ZNF225: variants seen among roughly 807,000 people sequenced by gnomAD.
ZNF225 encodes the protein zinc finger protein 225.
Under a neutral mutation model 12.0 loss-of-function variants are expected in ZNF225, and 6 were observed. The observed-to-expected ratio is 0.50, with a 90% CI of 0.27 to 0.98. The LOEUF (loss-of-function observed/expected upper bound fraction) is 0.98. Ranked by LOEUF, ZNF225 falls within the 50% of genes least tolerant of loss-of-function variation. The pLI is 0.11. For synonymous variants in ZNF225, 271 were observed against 283.2 expected, an observed-to-expected ratio of 0.96 and a Z score of 0.43; for missense variants, 763 against 848.2, an observed-to-expected ratio of 0.90 and a Z score of 1.25.
chr19:44,112,016 G>A (rs1967842066), upstream of ZNF225: 1 of 152,244 alleles, frequency 6.6e-6, no homozygotes, highest in African/African-American at 2.4e-5. Context: ...ATAGAGGAAG[G>A]GGTCTCCGAG....
Position 44,131,637 on chromosome 19 carries a change from G to A in ZNF225, c.1023G>A (p.Glu341=). 1 of 1,614,092 alleles carries A rather than the reference G, an allele frequency of 6.2e-7. No individual in the cohort carries two copies. The highest frequency in any genetic ancestry group is 8.5e-7 in the Non-Finnish European group (1 of 1,179,954). ...LNSHRMVHTG[E]KRYKCEECGK... ...GTCATCGCATGGTCCACACAGGAGA[G>A]AAACGGTACAAATGTGAGGAATGTG... The change falls in exon 5 of 5, where the codon GAG becomes GAA. Residue 341 remains glutamate, a synonymous_variant. Coordinates refer to ENST00000262894, the MANE Select transcript of ZNF225 (RefSeq NM_013362.4).
chr19:44,131,610 T>C lies in ZNF225; in HGVS notation c.996T>C (p.Asn332=). ...GCTTTGGTCTGAAATCAGCACTTAA[T>C]AGTCATCGCATGGTCCACACAGGAG... ...GKSFGLKSAL[N]SHRMVHTGEK... is the part of the protein sequence containing the mutation. Residue 332 remains asparagine (N), a synonymous_variant, in exon 5 of 5, where the codon AAT becomes AAC. Transcript: ENST00000262894. 6.2e-7 allele frequency: 1 copy of C among 1,614,182 alleles called. No homozygotes were observed.
chr19:44,115,874 A>G (rs767891560), intron 2 of ZNF225, 32 bp downstream of exon 2: 75 of 1,608,522 alleles, frequency 4.7e-5, no homozygotes, highest in Non-Finnish European at 6.2e-5. Flanking sequence ...TGCTGTTAAA[A>G]TTTCTTTTAT....
At chr19:44,116,534 A>G (rs183993095) in intron 2 of ZNF225, among the ~76,000 whole-genome samples, 82 of 152,352 alleles carry the variant, frequency 5.4e-4, no homozygotes, top group Middle Eastern at 3.4e-3. Context: ...TTACCAGAAA[A>G]TATAACAGCC....
In ZNF225 at chr19:44,132,656, A is replaced by G; in HGVS notation, c.2042A>G (p.Lys681Arg). 1 of 1,613,994 alleles carries G rather than the reference A, an allele frequency of 6.2e-7. No homozygotes were observed. The change falls in exon 5 of 5, where the codon AAA (lysine) becomes AGA (arginine). Residue 681 changes from lysine to arginine, a missense_variant. By Grantham distance (26) the Lys-to-Arg change is conservative (BLOSUM62 2). Coordinates refer to ENST00000262894, the MANE Select transcript of ZNF225 (RefSeq NM_013362.4). ...QRDQSGEKTSKCEDCGKRYKR... is the reference protein window; with the variant it reads ...QRDQSGEKTSRCEDCGKRYKR... Reference sequence around the variant, plus strand: ...GACCAAAGTGGAGAGAAAACATCTAAATGTGAGGACTGTGGGAAGCGCTAC... The same window carrying G: ...GACCAAAGTGGAGAGAAAACATCTAGATGTGAGGACTGTGGGAAGCGCTAC...
At position 44,119,978 on chromosome 19, in the gene ZNF225, G is replaced by A. The variant is rs550790980; in HGVS notation, c.235+1404G>A. Among the ~76,000 whole-genome samples the A allele has an allele frequency of 3.2e-4, 48 of 152,202 alleles. No homozygotes were observed. The East Asian group carries it at 5.2e-3, about 17-fold the overall frequency. On this transcript the variant is annotated intron_variant, in intron 4 of 4. Coordinates refer to ENST00000262894, the MANE Select transcript of ZNF225 (RefSeq NM_013362.4). Reference sequence around the variant, plus strand: ...TCACGCCTGTAATCCCACTACTTTCGGAGACCAAGGTGGGTGGATCACTGA... The same window carrying A: ...TCACGCCTGTAATCCCACTACTTTCAGAGACCAAGGTGGGTGGATCACTGA...
chr19:44,130,877 CTG>C lies in ZNF225; in HGVS notation c.265_266del (p.Val89PhefsTer7). ...GGCAAGATCCAAATGGAGATGGAGA[CTG>C]TTTCAGAATCAGGAACACATGAAGG... On this transcript the variant is annotated frameshift_variant, in exon 5 of 5. Transcript: ENST00000262894. LOFTEE classifies it low-confidence loss of function (END_TRUNC). The C allele has an allele frequency of 6.2e-7, 1 of 1,612,980 alleles. No homozygotes were observed. The highest frequency in any genetic ancestry group is 8.5e-7 in the Non-Finnish European group (1 of 1,179,494).
At position 44,132,455 on chromosome 19, in the gene ZNF225, A is replaced by C. The variant is rs772840141; in HGVS notation, c.1841A>C (p.His614Pro). 12 of 1,614,228 alleles carry C rather than the reference A, an allele frequency of 7.4e-6. 1 individual carries two copies. The highest frequency in any genetic ancestry group is 1.6e-4 in the Middle Eastern group (1 of 6,062). The change falls in exon 5 of 5, where the codon CAT becomes CCT. Residue 614 changes from histidine (H) to proline (P), a missense_variant. Physicochemically the swap from His to Pro is moderately conservative, Grantham distance 77 (BLOSUM62 -2). Coordinates refer to ENST00000262894, the MANE Select transcript of ZNF225 (RefSeq NM_013362.4). ...RFTENSQLHSHQRVHTGEKPY... is the reference protein window; with the variant it reads ...RFTENSQLHSPQRVHTGEKPY... The stretch of plus-strand genomic sequence containing the variant: ...ACTGAGAATTCACAGCTTCATTCCC[A>C]TCAGAGGGTTCACACTGGGGAAAAG...
Position 44,131,256 on chromosome 19 carries a change from T to C in ZNF225, c.642T>C (p.Asn214=). Residue 214 remains asparagine (N), a synonymous_variant, in exon 5 of 5, where the codon AAT becomes AAC. Coordinates refer to ENST00000262894, the MANE Select transcript of ZNF225 (RefSeq NM_013362.4). The part of the protein sequence containing the change: ...YNCDVCGKEF[N]QSSHLQIHQR... ...GTGATGTGTGTGGTAAGGAATTCAA[T>C]CAGAGCTCACATCTGCAAATTCATC... is the stretch of plus-strand genomic sequence containing the variant. The C allele has an allele frequency of 6.2e-7, 1 of 1,614,212 alleles. No individual in the cohort carries two copies. The highest frequency in any genetic ancestry group is 8.5e-7 in the Non-Finnish European group (1 of 1,180,040).
At chr19:44,126,378 C>T (rs1265622641) in intron 4 of ZNF225, among the ~76,000 whole-genome samples, 1 of 152,184 alleles carries the variant, frequency 6.6e-6, no homozygotes, top group Non-Finnish European at 1.5e-5. Flanking sequence ...TGCACAGAGT[C>T]CTGTGATATG....
chr19:44,126,888 A>G (rs1433405149), intron 4 of ZNF225, among the ~76,000 whole-genome samples: 2 of 152,186 alleles, frequency 1.3e-5, no homozygotes, highest in East Asian at 3.8e-4. Flanking sequence ...CACTCCCACC[A>G]TGCCCCCACT....
chr19:44,133,181 T>C lies in ZNF225; in HGVS notation c.*446T>C, dbSNP rs1968323341. 1 of 157,794 alleles carries C rather than the reference T, an allele frequency of 6.3e-6. No individual in the cohort carries two copies. Among genetic ancestry groups the C allele is most frequent in the Non-Finnish European group, 1.4e-5 (1 of 71,378 alleles). The allele number at this position is 157,794 out of a possible 1,614,324, so 9.8% of individuals were successfully genotyped here. A position where few individuals can be genotyped will look rare whatever the true frequency, so the allele number is the denominator to read the frequency against. On this transcript the variant is annotated 3_prime_UTR_variant, in exon 5 of 5. Transcript: ENST00000262894. ...GTGAGTGATAGAATTTTGTTGTTTT[T>C]CATGGCTAAATAGTACTCTGATGTG... is the stretch of plus-strand genomic sequence containing the variant.
chr19:44,120,437 A>G (rs542757150), intron 4 of ZNF225, among the ~76,000 whole-genome samples: 51 of 152,352 alleles, frequency 3.3e-4, no homozygotes, highest in African/African-American at 1.1e-3. Context: ...AAATAAATTA[A>G]TGGATGAGGG....
In ZNF225 at chr19:44,118,255, C is replaced by T; in HGVS notation, c.83C>T (p.Ala28Val). 6.2e-7 allele frequency: 1 copy of T among 1,613,346 alleles called. No individual in the cohort carries two copies. Among genetic ancestry groups the T allele is most frequent in the Non-Finnish European group, 8.5e-7 (1 of 1,179,696 alleles). Residue 28 changes from alanine (A) to valine (V), a missense_variant, in exon 3 of 5, where the codon GCC becomes GTC. By Grantham distance (64) the Ala-to-Val change is moderately conservative. Transcript: ENST00000262894. ...GAAGAGCTGAGGCTGCTGGACCTTG[C>T]CCAGAGGAAACTGTACCGAGAAGTG... ...TEEELRLLDL[A>V]QRKLYREVML...
intron 1 of ZNF225, among the ~76,000 whole-genome samples, chr19:44,115,238 G>A (rs75237187): frequency 0.052 from 7,947 of 151,992 alleles, 705 homozygotes; most frequent in African/African-American, 0.18. Flanking sequence ...TACCCATTTC[G>A]TGTGTACACT....
chr19:44,111,836 T>C (rs1967838119), upstream of ZNF225: 1 of 152,192 alleles, frequency 6.6e-6, no homozygotes, highest in Admixed American at 6.5e-5. Context: ...TAAAAATGTT[T>C]TGTAATTCAA....
At position 44,115,876 on chromosome 19, in the gene ZNF225, T is replaced by C. The variant is rs753066278; in HGVS notation, c.15+34T>C. 3.7e-6 allele frequency: 6 copies of C among 1,608,432 alleles called. No homozygotes were observed. In the South Asian group the frequency reaches 6.7e-5, roughly 18 times the overall value. On this transcript the variant is annotated intron_variant, in intron 2 of 4. Transcript: ENST00000262894. ...AGCTTGCCTCTCTTGCTGTTAAAATTTCTTTTATGGAGACTTGTTCTGTCG... is the reference window on the plus strand; with the variant it reads ...AGCTTGCCTCTCTTGCTGTTAAAATCTCTTTTATGGAGACTTGTTCTGTCG...
intron 4 of ZNF225, chr19:44,129,563 A>C (rs1968206432): frequency 6.6e-6 from 1 of 152,358 alleles, no homozygotes; most frequent in Non-Finnish European, 1.5e-5. Context: ...GTTGTCTGTT[A>C]ATTACATAGC....
chr19:44,113,613 C>T (rs1033037371), intron 1 of ZNF225, 44 bp downstream of exon 1: 1 of 152,132 alleles, frequency 6.6e-6, no homozygotes, highest in African/African-American at 2.4e-5. Flanking sequence ...GTCAGTGGAG[C>T]CTTCTTGGGC....
Sources: allele counts gnomAD v4.1 joint callset (sites outside exome capture counted in the v4.1 genomes callset), GRCh38; gene constraint gnomAD v4.1.1; transcripts MANE v1.5; gene names NCBI Gene and HGNC (gene_info 2026-07-23, HGNC 2026-07-21).